PPM1H: variants seen among roughly 807,000 people sequenced by gnomAD.
PPM1H encodes protein phosphatase 1H.
In PPM1H, 27 loss-of-function variants were observed where a neutral mutation model predicts 54.9. That is an observed-to-expected ratio of 0.49 (90% CI 0.36 to 0.68). The LOEUF is 0.68. Among genes scored for constraint, PPM1H ranks in the 30% least tolerant of loss-of-function variants. The pLI is 0.00. For missense variants in PPM1H, 596 were observed against 667.8 expected (o/e 0.89, Z 1.19); for synonymous variants, 305 against 270.8 (o/e 1.13, Z -1.24).
Position 62,667,317 on chromosome 12 carries a change from C to G in PPM1H, c.1258G>C (p.Asp420His). 6.3e-7 allele frequency: 1 copy of G among 1,595,070 alleles called. No individual in the cohort carries two copies. The highest frequency in any genetic ancestry group is 2.2e-5 in the East Asian group (1 of 44,592). ...GATCCATGATCATATTTTGAAAGAT[C>G]GTAGATTCTTACCTGAAAAAAAACA... Reference protein sequence around the residue: ...LSSAPEVRIYDLSKYDHGSDD... With the variant: ...LSSAPEVRIYHLSKYDHGSDD... Residue 420 changes from aspartate to histidine, a missense_variant, in exon 9 of 10, where the codon GAT (aspartate) becomes CAT (histidine). Transcript: ENST00000228705.
At chr12:62,753,858 C>T (rs1386421518) in intron 4 of PPM1H, among the ~76,000 whole-genome samples, 2 of 152,174 alleles carry the variant, frequency 1.3e-5, no homozygotes, top group Non-Finnish European at 2.9e-5. Flanking sequence ...ACTAGTTCTG[C>T]CTTGGAGCTT....
In PPM1H at chr12:62,644,642, T is replaced by C. The variant is rs2075775170; in HGVS notation, c.*3847A>G. The stretch of plus-strand genomic sequence containing the variant: ...GAAGAGGCAAGTCAGTCTGCTCGCG[T>C]AGCGTCCTTTGAAAAATCCCAGTGT... On this transcript the variant is annotated 3_prime_UTR_variant, in exon 10 of 10. Coordinates refer to ENST00000228705, the MANE Select transcript of PPM1H (RefSeq NM_020700.2). The C allele has an allele frequency of 6.6e-6, 1 of 152,256 alleles. No individual in the cohort carries two copies. Among genetic ancestry groups the C allele is most frequent in the Non-Finnish European group, 1.5e-5 (1 of 68,052 alleles). The allele number at this position is 152,256 out of a possible 1,614,324, so 9.4% of individuals were successfully genotyped here. A position where few individuals can be genotyped will look rare whatever the true frequency, so the allele number is the denominator to read the frequency against.
intron 1 of PPM1H, among the ~76,000 whole-genome samples, chr12:62,879,778 TA>T (rs1870324049): frequency 6.6e-6 from 1 of 151,688 alleles, no homozygotes; most frequent in African/African-American, 2.4e-5. Flanking sequence ...AATAAAAAAT[TA>T]AAAAAATAAA....
chr12:62,698,707 G>T (rs976850531), intron 6 of PPM1H, among the ~76,000 whole-genome samples: 3 of 151,936 alleles, frequency 2.0e-5, no homozygotes, highest in Admixed American at 2.0e-4. Context: ...TCCATTATGT[G>T]TATTTTTTTT....
chr12:62,797,642 C>T (rs1039675552), intron 3 of PPM1H, among the ~76,000 whole-genome samples: 12 of 152,214 alleles, frequency 7.9e-5, no homozygotes, highest in African/African-American at 2.9e-4. Flanking sequence ...GACAATGACT[C>T]TCAAAAACCT....
intron 6 of PPM1H, among the ~76,000 whole-genome samples, chr12:62,699,736 T>C (rs1044736155): frequency 6.6e-6 from 1 of 152,222 alleles, no homozygotes; most frequent in African/African-American, 2.4e-5. Context: ...AACTGAACCA[T>C]TATCCACTCA....
intron 2 of PPM1H, among the ~76,000 whole-genome samples, chr12:62,804,610 T>A (rs1376636638): frequency 6.6e-6 from 1 of 151,956 alleles, no homozygotes; most frequent in African/African-American, 2.4e-5. Context: ...CTAGAGGTTG[T>A]CCCATAGCTC....
intron 1 of PPM1H, among the ~76,000 whole-genome samples, chr12:62,864,372 T>C (rs1475233312): frequency 6.6e-6 from 1 of 152,222 alleles, no homozygotes; most frequent in African/African-American, 2.4e-5. Context: ...AGGCATTATA[T>C]TTAAAGAAGA....
At chr12:62,738,117 TG>T (rs749530191) in intron 4 of PPM1H, among the ~76,000 whole-genome samples, 2 of 152,186 alleles carry the variant, frequency 1.3e-5, no homozygotes, top group African/African-American at 2.4e-5. Context: ...CGGTCACATA[TG>T]GCTAGTGTTG....
intron 1 of PPM1H, among the ~76,000 whole-genome samples, chr12:62,873,442 T>C (rs1437726687): frequency 2.0e-5 from 3 of 152,228 alleles, no homozygotes. Flanking sequence ...GCACTCTACC[T>C]TGCAGTCCCG....
chr12:62,734,132 A>ATT (rs60742123), intron 5 of PPM1H, among the ~76,000 whole-genome samples: 3 of 142,520 alleles, frequency 2.1e-5, no homozygotes, highest in Admixed American at 7.0e-5. Context: ...TGCCACATGA[A>ATT]TTTTTTTTTT....
At position 62,832,100 on chromosome 12, in the gene PPM1H, G is replaced by T; in HGVS notation, c.411+14C>A. The T allele has an allele frequency of 6.2e-7, 1 of 1,612,662 alleles. No homozygotes were observed. The highest frequency in any genetic ancestry group is 1.1e-5 in the South Asian group (1 of 90,978). ...TCTTCTCACCTGAGAACCAAGGATC[G>T]AGAAGGGTCTTACCGAGTTCTCCTT... On this transcript the variant is annotated intron_variant, in intron 2 of 9. Coordinates refer to ENST00000228705, the MANE Select transcript of PPM1H (RefSeq NM_020700.2).
intron 4 of PPM1H, among the ~76,000 whole-genome samples, chr12:62,759,312 C>T (rs540609931): frequency 1.3e-5 from 2 of 152,342 alleles, no homozygotes; most frequent in South Asian, 2.1e-4. Flanking sequence ...GGTCCTCAGA[C>T]CAACCAGCCC....
At chr12:62,864,543 G>A (rs962187420) in intron 1 of PPM1H, among the ~76,000 whole-genome samples, 2 of 152,110 alleles carry the variant, frequency 1.3e-5, no homozygotes, top group Non-Finnish European at 2.9e-5. Context: ...GAACAACCAA[G>A]TTACTTTTAT....
intron 1 of PPM1H, among the ~76,000 whole-genome samples, chr12:62,859,455 A>G (rs1428069872): frequency 6.6e-6 from 1 of 152,198 alleles, no homozygotes; most frequent in African/African-American, 2.4e-5. Flanking sequence ...ATTATCTTTA[A>G]TAATAGCACT....
At chr12:62,717,265 C>T (rs1023421885) in intron 6 of PPM1H, among the ~76,000 whole-genome samples, 3 of 152,214 alleles carry the variant, frequency 2.0e-5, no homozygotes, top group African/African-American at 7.2e-5. Context: ...CATAAATCTG[C>T]TTGTAGCCAA....
intron 1 of PPM1H, among the ~76,000 whole-genome samples, chr12:62,901,810 T>G (rs1039241751): frequency 1.3e-5 from 2 of 152,074 alleles, no homozygotes; most frequent in Admixed American, 1.3e-4. Context: ...TCCCTGGGGC[T>G]CCTGAATGCC....
At chr12:62,856,123 A>G (rs902607104) in intron 1 of PPM1H, among the ~76,000 whole-genome samples, 18 of 152,116 alleles carry the variant, frequency 1.2e-4, no homozygotes, top group Non-Finnish European at 2.1e-4. Flanking sequence ...TCCTCATGTG[A>G]ATGTGCTGAT....
chr12:62,782,876 G>A (rs1463453372), intron 4 of PPM1H, among the ~76,000 whole-genome samples: 1 of 152,136 alleles, frequency 6.6e-6, no homozygotes, highest in Non-Finnish European at 1.5e-5. Flanking sequence ...CACCCAGGCT[G>A]GAGTGCAGTG....
Sources: allele counts gnomAD v4.1 joint callset (sites outside exome capture counted in the v4.1 genomes callset), GRCh38; gene constraint gnomAD v4.1.1; transcripts MANE v1.5; gene names NCBI Gene and HGNC (gene_info 2026-07-23, HGNC 2026-07-21).